PACSIN1: variants seen among roughly 807,000 people sequenced by gnomAD.
The protein encoded by PACSIN1 is protein kinase C and casein kinase substrate in neurons protein 1.
PACSIN1 carries 15 observed loss-of-function variants against 59.5 expected under a neutral mutation model. The ratio of observed to expected loss-of-function variants is 0.25; its 90% CI spans 0.17 to 0.39. The LOEUF is 0.39. Among genes scored for constraint, PACSIN1 ranks in the 10% least tolerant of loss-of-function variants. The pLI is 1.00. For missense variants in PACSIN1, 420 were observed against 580.2 expected (o/e 0.72, Z 2.84); for synonymous variants, 210 against 220.6 (o/e 0.95, Z 0.42).
At position 34,530,369 on chromosome 6, in the gene PACSIN1, G is replaced by T. The variant is rs377675896; in HGVS notation, c.909+6G>T. 2 of 1,613,088 alleles carry T rather than the reference G, an allele frequency of 1.2e-6. No individual in the cohort carries two copies. Among genetic ancestry groups the T allele is most frequent in the Non-Finnish European group, 1.7e-6 (2 of 1,179,232 alleles). On this transcript the variant is annotated splice_donor_region_variant and intron_variant, in intron 7 of 9. Coordinates refer to ENST00000244458, the MANE Select transcript of PACSIN1 (RefSeq NM_020804.5). The surrounding 1 kb of genome is among the most constrained non-coding windows in gnomAD (Gnocchi z 4.4). Reference sequence around the variant, plus strand: ...TGAACTGGCCCCAGTTTGAGGTGAGGATATGTGGGGATGGGAAGGGGAGCC... The same window carrying T: ...TGAACTGGCCCCAGTTTGAGGTGAGTATATGTGGGGATGGGAAGGGGAGCC...
chr6:34,501,865 C>G (rs1581970463), intron 1 of PACSIN1, among the ~76,000 whole-genome samples: 2 of 151,988 alleles, frequency 1.3e-5, no homozygotes, highest in Middle Eastern at 6.8e-3. Context: ...CCCATCTCTA[C>G]TAAAAATACA....
Position 34,531,645 on chromosome 6 carries a change from AGAC to A in PACSIN1, c.1089_1091del (p.Asp363del). Reference sequence around the variant, plus strand: ...GCCAGCCCTACGCCACCGAGTGGTCAGACGACGAGAGTGGGAACCCCTTTGGGG... The same window carrying A: ...GCCAGCCCTACGCCACCGAGTGGTCAGACGAGAGTGGGAACCCCTTTGGGG... On this transcript the variant is annotated inframe_deletion, in exon 9 of 10. Transcript: ENST00000244458. The surrounding 1 kb of genome is among the most constrained non-coding windows in gnomAD (Gnocchi z 4.4). 1 of 1,614,020 alleles carries A rather than the reference AGAC, an allele frequency of 6.2e-7. No individual in the cohort carries two copies. Among genetic ancestry groups the A allele is most frequent in the Non-Finnish European group, 8.5e-7 (1 of 1,180,020 alleles).
chr6:34,493,711 G>T (rs957475944), intron 1 of PACSIN1, among the ~76,000 whole-genome samples: 6 of 152,120 alleles, frequency 3.9e-5, no homozygotes, highest in Non-Finnish European at 8.8e-5. Flanking sequence ...ACCCCCACTT[G>T]ACTACCTGAT....
intron 1 of PACSIN1, among the ~76,000 whole-genome samples, chr6:34,498,216 C>T (rs1228724799): frequency 6.6e-6 from 1 of 152,086 alleles, no homozygotes; most frequent in Non-Finnish European, 1.5e-5. Flanking sequence ...TGCGCGCCGC[C>T]ACGCCTGGCT....
At chr6:34,486,093 G>T (rs58218720) in intron 1 of PACSIN1, among the ~76,000 whole-genome samples, 2 of 152,022 alleles carry the variant, frequency 1.3e-5, no homozygotes, top group Non-Finnish European at 2.9e-5. Context: ...AGGGAAAACC[G>T]ATCATTCAGG....
chr6:34,477,408 A>G (rs1766654293), intron 1 of PACSIN1, among the ~76,000 whole-genome samples: 1 of 150,794 alleles, frequency 6.6e-6, no homozygotes, highest in South Asian at 2.1e-4. Context: ...AAAAGAAGAA[A>G]GAAAGAAAGA....
chr6:34,493,387 T>C (rs966697928), intron 1 of PACSIN1, among the ~76,000 whole-genome samples: 4 of 152,186 alleles, frequency 2.6e-5, no homozygotes, highest in Non-Finnish European at 4.4e-5. Flanking sequence ...TGTGCGTGTC[T>C]TTTGGTGGCC....
chr6:34,504,321 TG>T (rs1439644615), intron 1 of PACSIN1, among the ~76,000 whole-genome samples: 2 of 150,640 alleles, frequency 1.3e-5, no homozygotes, highest in Admixed American at 1.3e-4. Context: ...AACGGAGTTT[TG>T]CTTTTGTCAC....
At chr6:34,511,404 T>G (rs1365383134) in intron 1 of PACSIN1, among the ~76,000 whole-genome samples, 1 of 152,206 alleles carries the variant, frequency 6.6e-6, no homozygotes, top group African/African-American at 2.4e-5. Flanking sequence ...CTGCTGGGCC[T>G]TGGATAGCGA....
chr6:34,471,024 C>A (rs1335559167), intron 1 of PACSIN1, among the ~76,000 whole-genome samples: 2 of 152,210 alleles, frequency 1.3e-5, no homozygotes, highest in African/African-American at 4.8e-5. Flanking sequence ...AGGCTCACTG[C>A]AACCTCCGCC....
intron 1 of PACSIN1, among the ~76,000 whole-genome samples, chr6:34,483,395 C>T (rs1206864364): frequency 6.6e-6 from 1 of 152,158 alleles, no homozygotes; most frequent in Admixed American, 6.5e-5. Context: ...TAGGACCAAC[C>T]TTGCCCAGTC....
chr6:34,527,578 C>G (rs889828192), intron 3 of PACSIN1, 90 bp downstream of exon 3: 2 of 1,168,276 alleles, frequency 1.7e-6, no homozygotes, highest in Non-Finnish European at 1.2e-6. Context: ...CTTGCATGCA[C>G]CATGCCCTCC....
chr6:34,519,904 G>T, intron 1 of PACSIN1, among the ~76,000 whole-genome samples: 1 of 152,158 alleles, frequency 6.6e-6, no homozygotes, highest in Non-Finnish European at 1.5e-5. Flanking sequence ...TGGGACAGCA[G>T]GTTGCCACTC....
chr6:34,527,072 A>G (rs1043707767), intron 2 of PACSIN1, among the ~76,000 whole-genome samples: 2 of 152,178 alleles, frequency 1.3e-5, no homozygotes, highest in Non-Finnish European at 2.9e-5. Context: ...TTGTGGCAGC[A>G]AGGAAATCAT....
At chr6:34,466,955 A>G (rs1366045300) in intron 1 of PACSIN1, among the ~76,000 whole-genome samples, 1 of 152,270 alleles carries the variant, frequency 6.6e-6, no homozygotes, top group East Asian at 1.9e-4. Context: ...ATCAGGGTGT[A>G]GGAGACATGG....
At chr6:34,510,933 G>A (rs1475682934) in intron 1 of PACSIN1, among the ~76,000 whole-genome samples, 9 of 152,064 alleles carry the variant, frequency 5.9e-5, no homozygotes, top group Admixed American at 2.0e-4. Context: ...GGCTGGTCGC[G>A]AACTCCTGAA....
chr6:34,477,085 T>G (rs780969456), intron 1 of PACSIN1, among the ~76,000 whole-genome samples: 22 of 152,214 alleles, frequency 1.4e-4, no homozygotes, highest in Non-Finnish European at 2.6e-4. Flanking sequence ...AGCACTCTGT[T>G]CCAAACCTCA....
intron 1 of PACSIN1, among the ~76,000 whole-genome samples, chr6:34,482,055 C>CT (rs1766726903): frequency 6.6e-6 from 1 of 152,092 alleles, no homozygotes; most frequent in Non-Finnish European, 1.5e-5. Context: ...CCTTTTGTGA[C>CT]TGGCTTCTTT....
rs886515619 is a variant in PACSIN1 at position 34,488,967 on chromosome 6, G to A, written c.-64+22697G>A. 2.0e-5 allele frequency among the ~76,000 whole-genome samples: 3 copies of A among 152,116 alleles called. No individual in the cohort carries two copies. Among genetic ancestry groups the A allele is most frequent in the Non-Finnish European group, 4.4e-5 (3 of 68,018 alleles). ...AGGCCGAGGCAGGTGGATCACTTGAGCCCAGAAGTTCGAGACCAGCCTGGG... is the reference window on the plus strand; with the variant it reads ...AGGCCGAGGCAGGTGGATCACTTGAACCCAGAAGTTCGAGACCAGCCTGGG... On this transcript the variant is annotated intron_variant, in intron 1 of 9. Coordinates refer to ENST00000244458, the MANE Select transcript of PACSIN1 (RefSeq NM_020804.5). The surrounding 1 kb of genome is among the most constrained non-coding windows in gnomAD (Gnocchi z 4.7).
Sources: allele counts gnomAD v4.1 joint callset (sites outside exome capture counted in the v4.1 genomes callset), GRCh38; gene constraint gnomAD v4.1.1; non-coding constraint Gnocchi (gnomAD v3.1); transcripts MANE v1.5; gene names NCBI Gene and HGNC (gene_info 2026-07-23, HGNC 2026-07-21).